The following CNTN4 variants were observed in gnomAD, a reference collection of about 807,000 sequenced individuals.
The protein encoded by CNTN4 is contactin 4.
CNTN4 carries 77 observed loss-of-function variants against 122.5 expected under a neutral mutation model. The ratio of observed to expected loss-of-function variants is 0.63; its 90% CI spans 0.52 to 0.76. CNTN4 has a LOEUF of 0.76. Among genes scored for constraint, CNTN4 ranks in the 30% least tolerant of loss-of-function variants. CNTN4 has a pLI of 0.00. For missense variants in CNTN4, 1,256 were observed against 1,259.1 expected (o/e 1.00, Z 0.04); for synonymous variants, 512 against 447.0 (o/e 1.15, Z -1.83).
intron 4 of CNTN4, among the ~76,000 whole-genome samples, chr3:2,602,471 A>G (rs1330787687): frequency 6.6e-6 from 1 of 152,190 alleles, no homozygotes; most frequent in Non-Finnish European, 1.5e-5. Flanking sequence ...CCAAATCATC[A>G]GTGAACTCCC....
chr3:2,747,085 A>G (rs1473938310), intron 6 of CNTN4, among the ~76,000 whole-genome samples: 1 of 132,694 alleles, frequency 7.5e-6, no homozygotes, highest in Non-Finnish European at 1.6e-5. Flanking sequence ...TTAACACAGT[A>G]TAACACCAAA....
intron 4 of CNTN4, among the ~76,000 whole-genome samples, chr3:2,706,160 T>G (rs1576515700): frequency 6.6e-6 from 1 of 151,374 alleles, no homozygotes; most frequent in East Asian, 1.9e-4. Flanking sequence ...AAAATCATTT[T>G]TAAAATACGC....
At chr3:2,339,061 T>TAATCC (rs1405962067) in intron 2 of CNTN4, 117 bp from the exon 3 acceptor site, 1 of 152,176 alleles carries the variant, frequency 6.6e-6, no homozygotes, top group East Asian at 1.9e-4. Context: ...TACTTTGTCC[T>TAATCC]AATCCAATCT....
intron 2 of CNTN4, among the ~76,000 whole-genome samples, chr3:2,129,477 G>C (rs568329222): frequency 9.1e-4 from 138 of 151,654 alleles, no homozygotes; most frequent in African/African-American, 3.2e-3. Context: ...AAGTGTTGAT[G>C]GTATTAAATT....
intron 2 of CNTN4, among the ~76,000 whole-genome samples, chr3:2,116,844 C>G (rs2033388346): frequency 6.6e-6 from 1 of 152,126 alleles, no homozygotes; most frequent in Non-Finnish European, 1.5e-5. Context: ...TTAGAATAAT[C>G]CGGTTAATCG....
At chr3:2,472,493 C>G (rs999780884) in intron 3 of CNTN4, among the ~76,000 whole-genome samples, 2 of 152,124 alleles carry the variant, frequency 1.3e-5, no homozygotes, top group Non-Finnish European at 2.9e-5. Flanking sequence ...CCTGCCTCGG[C>G]GTCCCAAAGT....
intron 14 of CNTN4, among the ~76,000 whole-genome samples, chr3:3,021,945 C>G (rs1287823247): frequency 6.6e-6 from 1 of 151,914 alleles, no homozygotes; most frequent in Non-Finnish European, 1.5e-5. Flanking sequence ...AAACATTAGC[C>G]AGGCACCAGT....
intron 6 of CNTN4, among the ~76,000 whole-genome samples, chr3:2,814,724 A>G (rs2092689117): frequency 6.6e-6 from 1 of 152,210 alleles, no homozygotes; most frequent in Non-Finnish European, 1.5e-5. Context: ...GGTGCTTCAG[A>G]GCAGTAACTT....
At chr3:2,688,804 C>A (rs1052421401) in intron 4 of CNTN4, among the ~76,000 whole-genome samples, 2 of 152,182 alleles carry the variant, frequency 1.3e-5, no homozygotes, top group Non-Finnish European at 2.9e-5. Context: ...ATGCATGGAG[C>A]CATCTCCTGA....
chr3:2,181,544 C>T (rs1012424626), intron 2 of CNTN4, among the ~76,000 whole-genome samples: 1 of 152,108 alleles, frequency 6.6e-6, no homozygotes, highest in South Asian at 2.1e-4. Context: ...GAATGGGGCT[C>T]TGAGTCCCCT....
intron 4 of CNTN4, among the ~76,000 whole-genome samples, chr3:2,601,019 A>G (rs2081019785): frequency 1.3e-5 from 2 of 152,074 alleles, no homozygotes; most frequent in South Asian, 2.1e-4. Context: ...GTGTCTGTTC[A>G]TATTCATTGC....
Position 2,379,535 on chromosome 3 carries a change from A to G in CNTN4, c.-89+40302A>G, listed in dbSNP as rs551092460. Among the ~76,000 whole-genome samples, 38 of 152,298 alleles carry G rather than the reference A, an allele frequency of 2.5e-4. No individual in the cohort carries two copies. In the Middle Eastern group the frequency reaches 0.01, roughly 41 times the overall value. Reference sequence around the variant, plus strand: ...CAGGCCTCTTTTGTCTTTTTTATATAACTGCTATGTTAGTATAAATTGTTA... The same window carrying G: ...CAGGCCTCTTTTGTCTTTTTTATATGACTGCTATGTTAGTATAAATTGTTA... On this transcript the variant is annotated intron_variant, in intron 3 of 24. Transcript: ENST00000418658.
chr3:2,166,734 G>T (rs1394821066), intron 2 of CNTN4, among the ~76,000 whole-genome samples: 1 of 152,142 alleles, frequency 6.6e-6, no homozygotes, highest in East Asian at 1.9e-4. Flanking sequence ...GCTTGTAAAT[G>T]CCTAGCCTTG....
chr3:2,312,097 G>C (rs1311556207), intron 2 of CNTN4, among the ~76,000 whole-genome samples: 3 of 151,878 alleles, frequency 2.0e-5, no homozygotes, highest in African/African-American at 7.3e-5. Context: ...CAGGATCACT[G>C]AGCCCAGGAG....
chr3:2,127,094 T>A lies in CNTN4; in HGVS notation c.-145+26455T>A, dbSNP rs115329394. Among the ~76,000 whole-genome samples, 1,352 of 152,314 alleles carry A rather than the reference T, an allele frequency of 8.9e-3. 10 individuals are homozygous for A. The highest frequency in any genetic ancestry group is 0.025 in the Admixed American group (375 of 15,300). ...GGTTTGCGTTTTTCTCCTTTCTCAA[T>A]GAATTGCTAGCTCTCTTCTCAAGAG... On this transcript the variant is annotated intron_variant, in intron 2 of 24. Transcript: ENST00000418658.
chr3:2,946,704 C>CTTTT (rs55883455), intron 13 of CNTN4, among the ~76,000 whole-genome samples: 14 of 119,374 alleles, frequency 1.2e-4, no homozygotes, highest in South Asian at 2.7e-4. Context: ...TTTTTTTTTT[C>CTTTT]TTTTTTTTTT....
chr3:2,878,593 TTCTG>T (rs1489867297), intron 8 of CNTN4, among the ~76,000 whole-genome samples: 35 of 104,842 alleles, frequency 3.3e-4, no homozygotes, highest in East Asian at 9.0e-4. Context: ...GTGTGTGTCT[TTCTG>T]TCTGTCTGTC....
chr3:2,353,647 T>C (rs537788953), intron 3 of CNTN4, among the ~76,000 whole-genome samples: 61 of 151,974 alleles, frequency 4.0e-4, no homozygotes, highest in Non-Finnish European at 7.6e-4. Flanking sequence ...TTAAGAACTG[T>C]AACACTCACC....
At chr3:2,219,582 C>T (rs572129292) in intron 2 of CNTN4, among the ~76,000 whole-genome samples, 10 of 152,212 alleles carry the variant, frequency 6.6e-5, no homozygotes, top group African/African-American at 1.4e-4. Context: ...GTTATCTCTA[C>T]CTGTTTTTTC....
Sources: allele counts gnomAD v4.1 joint callset (sites outside exome capture counted in the v4.1 genomes callset), GRCh38; gene constraint gnomAD v4.1.1; transcripts MANE v1.5; gene names NCBI Gene and HGNC (gene_info 2026-07-23, HGNC 2026-07-21).